The following OR9Q1 variants were observed in gnomAD, a reference collection of about 807,000 sequenced individuals.
The protein encoded by OR9Q1 is olfactory receptor 9Q1.
For missense variants in OR9Q1, 374 were observed against 378.8 expected (o/e 0.99, Z 0.11); for synonymous variants, 153 against 148.6 (o/e 1.03, Z -0.22).
At chr11:58,033,582 A>G (rs930217439) in intron 1 of OR9Q1, among the ~76,000 whole-genome samples, 1 of 152,182 alleles carries the variant, frequency 6.6e-6, no homozygotes, top group Non-Finnish European at 1.5e-5. Flanking sequence ...AGATGGGAAT[A>G]AGAGATACTG....
intron 2 of OR9Q1, among the ~76,000 whole-genome samples, chr11:58,103,053 A>G (rs527307688): frequency 6.8e-4 from 103 of 152,170 alleles, no homozygotes; most frequent in African/African-American, 2.4e-3. Flanking sequence ...ATATTAGTCC[A>G]TTCTCACGTT....
At chr11:58,095,324 A>T (rs1277097437) in intron 2 of OR9Q1, among the ~76,000 whole-genome samples, 1 of 152,218 alleles carries the variant, frequency 6.6e-6, no homozygotes, top group Non-Finnish European at 1.5e-5. Flanking sequence ...AGCAGCATAG[A>T]TATTCTCTTA....
At chr11:58,107,808 A>C (rs1853857044) in intron 2 of OR9Q1, among the ~76,000 whole-genome samples, 1 of 152,208 alleles carries the variant, frequency 6.6e-6, no homozygotes, top group Non-Finnish European at 1.5e-5. Flanking sequence ...AGAAGCAGCA[A>C]TATAGAAGAG....
At chr11:58,158,045 A>C (rs1223578723) in intron 2 of OR9Q1, among the ~76,000 whole-genome samples, 1 of 152,194 alleles carries the variant, frequency 6.6e-6, no homozygotes, top group Non-Finnish European at 1.5e-5. Flanking sequence ...AATTTCAAGG[A>C]TAAGGAAGCT....
intron 2 of OR9Q1, among the ~76,000 whole-genome samples, chr11:58,125,703 G>A (rs959527952): frequency 2.6e-5 from 4 of 152,126 alleles, no homozygotes; most frequent in Non-Finnish European, 4.4e-5. Flanking sequence ...TAGCCGGCCC[G>A]GTCAGGGAGA....
At chr11:58,096,292 T>C (rs1348681799) in intron 2 of OR9Q1, among the ~76,000 whole-genome samples, 1 of 152,168 alleles carries the variant, frequency 6.6e-6, no homozygotes, top group African/African-American at 2.4e-5. Context: ...AAAATATGTA[T>C]GCATGCATAT....
At chr11:58,173,605 A>C (rs1240094639) in intron 2 of OR9Q1, among the ~76,000 whole-genome samples, 4 of 152,068 alleles carry the variant, frequency 2.6e-5, no homozygotes, top group African/African-American at 9.7e-5. Context: ...TCTAAGAGCC[A>C]CAGGGAACTC....
intron 2 of OR9Q1, chr11:58,144,466 A>G (rs1322658146): frequency 3.3e-5 from 5 of 152,002 alleles, no homozygotes; most frequent in East Asian, 1.9e-4. Context: ...ATTTCAGTGG[A>G]TAACGTTGGC....
At chr11:58,109,848 A>T (rs1853882283) in intron 2 of OR9Q1, among the ~76,000 whole-genome samples, 1 of 152,202 alleles carries the variant, frequency 6.6e-6, no homozygotes, top group Non-Finnish European at 1.5e-5. Flanking sequence ...CTCTCTCTGC[A>T]TCCCACCTGA....
chr11:58,067,145 C>T (rs1853437763), intron 2 of OR9Q1, among the ~76,000 whole-genome samples: 1 of 152,050 alleles, frequency 6.6e-6, no homozygotes, highest in South Asian at 2.1e-4. Flanking sequence ...CATTCTCCTG[C>T]CTCAGCCTCC....
At chr11:58,119,754 C>T (rs1331889035) in intron 2 of OR9Q1, among the ~76,000 whole-genome samples, 2 of 152,060 alleles carry the variant, frequency 1.3e-5, no homozygotes, top group Non-Finnish European at 2.9e-5. Context: ...TGTTCCAGTC[C>T]CATCTGGGGC....
chr11:58,162,985 T>G (rs1854469859), intron 2 of OR9Q1, among the ~76,000 whole-genome samples: 1 of 152,142 alleles, frequency 6.6e-6, no homozygotes, highest in Non-Finnish European at 1.5e-5. Flanking sequence ...GGAAAGAAAG[T>G]GAGAGAGAAG....
chr11:58,171,690 T>G (rs961397044), intron 2 of OR9Q1: 1 of 152,224 alleles, frequency 6.6e-6, no homozygotes, highest in Non-Finnish European at 1.5e-5. Flanking sequence ...AAGGAGGCCC[T>G]GAGGAAAGGT....
chr11:58,081,008 C>T (rs778670365), intron 2 of OR9Q1, among the ~76,000 whole-genome samples: 4 of 151,932 alleles, frequency 2.6e-5, no homozygotes, highest in African/African-American at 7.3e-5. Context: ...TGATGTTCCC[C>T]GTCCTGTGTC....
At chr11:58,141,283 C>A (rs1854246217) in intron 2 of OR9Q1, among the ~76,000 whole-genome samples, 1 of 152,172 alleles carries the variant, frequency 6.6e-6, no homozygotes, top group Non-Finnish European at 1.5e-5. Context: ...GAGAGGGCAT[C>A]CCTGTCTTGT....
At chr11:58,082,003 A>G (rs549171127) in intron 2 of OR9Q1, among the ~76,000 whole-genome samples, 1 of 152,282 alleles carries the variant, frequency 6.6e-6, no homozygotes, top group African/African-American at 2.4e-5. Context: ...CAAAAGACAC[A>G]TGAAAAAATG....
chr11:58,125,242 C>CA (rs1854079510), intron 2 of OR9Q1: 1 of 91,192 alleles, frequency 1.1e-5, no homozygotes, highest in Non-Finnish European at 2.3e-5. Context: ...ACCCACCGCC[C>CA]CCCCCCCAAA....
intron 1 of OR9Q1, among the ~76,000 whole-genome samples, chr11:58,037,689 A>ATATATAG (rs1853119570): frequency 4.3e-4 from 3 of 6,998 alleles, no homozygotes; most frequent in Non-Finnish European, 5.3e-4. Context: ...ATATATATAT[A>ATATATAG]TTTTTTTTTT....
intron 2 of OR9Q1, among the ~76,000 whole-genome samples, chr11:58,086,877 T>C (rs779408857): frequency 2.0e-4 from 30 of 151,738 alleles, no homozygotes; most frequent in Non-Finnish European, 3.1e-4. Context: ...AAGGGAGATA[T>C]TGATTTAAGA....
Sources: gnomAD v4.1 joint callset for allele counts (sites outside exome capture counted in the v4.1 genomes callset) on GRCh38, gnomAD v4.1.1 for gene constraint, MANE v1.5 for transcripts, NCBI Gene and HGNC (gene_info 2026-07-23, HGNC 2026-07-21) for gene names.